Variants in HMBOX1 observed in about 807,000 individuals in gnomAD.
The protein encoded by HMBOX1 is homeobox containing 1.
A neutral mutation model predicts 54.5 loss-of-function variants in HMBOX1; 14 were observed. That is an observed-to-expected ratio of 0.26 (90% CI 0.17 to 0.40). The LOEUF (loss-of-function observed/expected upper bound fraction) is 0.40. Among genes scored for constraint, HMBOX1 ranks in the 10% least tolerant of loss-of-function variants. The probability of loss-of-function intolerance (pLI) is 1.00; values close to 1 mark genes in which losing one functional copy is unlikely to be tolerated. For synonymous variants in HMBOX1, 160 were observed against 181.0 expected (o/e 0.88, Z 0.93); for missense variants, 332 against 514.4 (o/e 0.65, Z 3.43).
At chr8:28,923,249 A>G (rs540554145) in intron 1 of HMBOX1, among the ~76,000 whole-genome samples, 2 of 152,298 alleles carry the variant, frequency 1.3e-5, no homozygotes, top group Admixed American at 1.3e-4. Context: ...CCTGTTCTGG[A>G]CATTTCATAT....
At chr8:29,009,495 C>G in intron 5 of HMBOX1, 2 of 814,242 alleles carry the variant, frequency 2.5e-6, no homozygotes, top group Non-Finnish European at 2.9e-6. Context: ...TTTTCTTCAA[C>G]TACATAACTA....
At chr8:28,937,100 A>T (rs1820541926) in intron 1 of HMBOX1, among the ~76,000 whole-genome samples, 2 of 152,156 alleles carry the variant, frequency 1.3e-5, no homozygotes, top group African/African-American at 2.4e-5. Context: ...CGGAAGGAAG[A>T]TGTGAGATTG....
intron 9 of HMBOX1, chr8:29,050,612 T>C (rs754780297): frequency 3.6e-4 from 60 of 165,166 alleles, no homozygotes; most frequent in Non-Finnish European, 7.0e-4. Context: ...TAATAATCTA[T>C]TTGTAAGAGC....
chr8:28,915,976 C>T (rs1226084225), intron 1 of HMBOX1: 1 of 152,128 alleles, frequency 6.6e-6, no homozygotes, highest in African/African-American at 2.4e-5. Flanking sequence ...GTCTTCAAAA[C>T]TGGTATTTTA....
At chr8:28,951,875 T>G (rs1823474390) in intron 1 of HMBOX1, among the ~76,000 whole-genome samples, 1 of 152,030 alleles carries the variant, frequency 6.6e-6, no homozygotes, top group South Asian at 2.1e-4. Context: ...GTCAAGATAA[T>G]AAGAAAACCA....
At chr8:29,045,506 C>CTAGGACACTT (rs939440671) in intron 7 of HMBOX1, 63 bp downstream of exon 7, 13 of 1,290,098 alleles carry the variant, frequency 1.0e-5, no homozygotes, top group African/African-American at 2.9e-5. Context: ...AGGTTGGCAT[C>CTAGGACACTT]TAGGACACTT....
chr8:28,974,747 A>G (rs1828086742), intron 3 of HMBOX1, among the ~76,000 whole-genome samples: 1 of 152,198 alleles, frequency 6.6e-6, no homozygotes, highest in East Asian at 1.9e-4. Flanking sequence ...GTGAAAATGT[A>G]TGGGAATAGG....
intron 1 of HMBOX1, among the ~76,000 whole-genome samples, chr8:28,900,367 T>C (rs2131562121): frequency 6.6e-6 from 1 of 150,886 alleles, no homozygotes; most frequent in Non-Finnish European, 1.5e-5. Flanking sequence ...CATAAGTATA[T>C]CAGGTAATTC....
chr8:29,021,267 A>G (rs1022189038), intron 6 of HMBOX1, among the ~76,000 whole-genome samples: 6 of 152,242 alleles, frequency 3.9e-5, no homozygotes, highest in Non-Finnish European at 8.8e-5. Context: ...GTGAATCCAT[A>G]TAAATAATAG....
chr8:28,925,036 A>T (rs540748157), intron 1 of HMBOX1, among the ~76,000 whole-genome samples: 1 of 150,358 alleles, frequency 6.7e-6, no homozygotes, highest in South Asian at 2.1e-4. Flanking sequence ...CTAGGAGTTG[A>T]TAAACTATGG....
chr8:28,966,392 T>C lies in HMBOX1; in HGVS notation c.23+2502T>C, dbSNP rs191129048. ...ATTCTTCTCACATCATTTTCAATTATTGTTGGCCTGAGTCTGCATTCAGAT... is the reference window on the plus strand; with the variant it reads ...ATTCTTCTCACATCATTTTCAATTACTGTTGGCCTGAGTCTGCATTCAGAT... On this transcript the variant is annotated intron_variant, in intron 2 of 9. Transcript: ENST00000287701. Among the ~76,000 whole-genome samples the C allele has an allele frequency of 5.3e-5, 8 of 152,334 alleles. No individual in the cohort carries two copies. In the East Asian group the frequency reaches 1.5e-3, roughly 29 times the overall value.
Position 29,051,297 on chromosome 8 carries a change from G to A in HMBOX1, c.*142G>A. 1.2e-6 allele frequency: 1 copy of A among 855,394 alleles called. No individual in the cohort carries two copies. Among genetic ancestry groups the A allele is most frequent in the East Asian group, 2.6e-5 (1 of 39,132 alleles). The allele number at this position is 855,394 out of a possible 1,614,324, so 53.0% of individuals were successfully genotyped here. On this transcript the variant is annotated 3_prime_UTR_variant, in exon 10 of 10. Transcript: ENST00000287701. ...AGCTGTTAGGGTCTTGTTCTGTGAA[G>A]ATGGCATGGTGCCCTCAGCCTTTGC...
At chr8:29,044,351 TTC>T in intron 6 of HMBOX1, among the ~76,000 whole-genome samples, 1 of 152,318 alleles carries the variant, frequency 6.6e-6, no homozygotes, top group African/African-American at 2.4e-5. Flanking sequence ...ACCATGAAAG[TTC>T]TCCTTTTCTT....
intron 4 of HMBOX1, among the ~76,000 whole-genome samples, chr8:29,003,496 GTATATATA>G (rs10572983): frequency 7.9e-6 from 1 of 127,240 alleles, no homozygotes. Context: ...GTGTGTGTGT[GTATATATA>G]TATATATATA....
At chr8:28,934,662 A>C (rs1421204214) in intron 1 of HMBOX1, among the ~76,000 whole-genome samples, 1 of 151,942 alleles carries the variant, frequency 6.6e-6, no homozygotes, top group East Asian at 1.9e-4. Context: ...GCGGTGGCTC[A>C]CGCCTGTAAT....
At chr8:29,027,504 A>G (rs967194479) in intron 6 of HMBOX1, among the ~76,000 whole-genome samples, 2 of 152,154 alleles carry the variant, frequency 1.3e-5, no homozygotes, top group Non-Finnish European at 2.9e-5. Context: ...TCTCTGGAGC[A>G]TTAGTGTATG....
chr8:29,012,083 AGTT>A (rs1198204681), intron 5 of HMBOX1, among the ~76,000 whole-genome samples: 4 of 152,340 alleles, frequency 2.6e-5, no homozygotes, highest in African/African-American at 7.2e-5. Context: ...GCCATTTGGT[AGTT>A]GTTGTTGCGT....
intron 4 of HMBOX1, among the ~76,000 whole-genome samples, chr8:29,003,799 A>G (rs527442953): frequency 6.6e-6 from 1 of 152,032 alleles, no homozygotes; most frequent in East Asian, 1.9e-4. Flanking sequence ...GGCGAATTAT[A>G]GAGATGATAG....
intron 3 of HMBOX1, among the ~76,000 whole-genome samples, chr8:28,971,797 A>G (rs552286426): frequency 1.3e-5 from 2 of 152,274 alleles, no homozygotes; most frequent in South Asian, 4.1e-4. Context: ...CTCCTCTAGG[A>G]ATAGAGATGA....
Sources: allele counts gnomAD v4.1 joint callset (sites outside exome capture counted in the v4.1 genomes callset), GRCh38; gene constraint gnomAD v4.1.1; transcripts MANE v1.5; gene names NCBI Gene and HGNC (gene_info 2026-07-23, HGNC 2026-07-21).